Variants in TACO1 observed in about 807,000 individuals in gnomAD.
TACO1 encodes translational activator of cytochrome c oxidase 1.
In TACO1, 13 loss-of-function variants were observed where a neutral mutation model predicts 24.0. The ratio of observed to expected loss-of-function variants is 0.54; its 90% CI spans 0.35 to 0.86. The LOEUF is 0.86. TACO1 is among the 40% of genes least tolerant of loss of function. TACO1 has a pLI of 0.01. For synonymous variants in TACO1, 149 were observed against 153.5 expected (o/e 0.97, Z 0.22); for missense variants, 352 against 380.1 (o/e 0.93, Z 0.61).
At position 63,607,475 on chromosome 17, in the gene TACO1, A is replaced by G; in HGVS notation, c.693+11A>G. On this transcript the variant is annotated intron_variant, in intron 4 of 4. Coordinates refer to ENST00000258975, the MANE Select transcript of TACO1 (RefSeq NM_016360.4). ...AGGAACGTTTTTAAAGTAAGCATGA[A>G]AACATGGGTGTTTGGTGGGCTTCCG... 1 of 1,614,156 alleles carries G rather than the reference A, an allele frequency of 6.2e-7. No individual in the cohort carries two copies. The highest frequency in any genetic ancestry group is 1.1e-5 in the South Asian group (1 of 91,074).
intron 2 of TACO1, among the ~76,000 whole-genome samples, chr17:63,606,102 C>G (rs575838076): frequency 6.6e-6 from 1 of 152,124 alleles, no homozygotes; most frequent in South Asian, 2.1e-4. Flanking sequence ...GTTCAGGGAC[C>G]GGAGAAACAG....
Sources: allele counts gnomAD v4.1 joint callset (sites outside exome capture counted in the v4.1 genomes callset), GRCh38; gene constraint gnomAD v4.1.1; transcripts MANE v1.5; gene names NCBI Gene and HGNC (gene_info 2026-07-23, HGNC 2026-07-21).